The following KALRN variants were observed in gnomAD, a reference collection of about 807,000 sequenced individuals.
The protein encoded by KALRN is kalirin RhoGEF kinase, also known as kalirin.
KALRN carries 70 observed loss-of-function variants against 353.7 expected under a neutral mutation model. The observed-to-expected ratio is 0.20, with a 90% CI of 0.16 to 0.24. The LOEUF (loss-of-function observed/expected upper bound fraction) is 0.24, where lower values mean the gene tolerates loss of function less well. KALRN is among the 10% of genes least tolerant of loss of function. The probability of loss-of-function intolerance (pLI) is 1.00; values close to 1 mark genes in which losing one functional copy is unlikely to be tolerated. For synonymous variants in KALRN, 1,391 were observed against 1,434.8 expected (o/e 0.97, Z 0.69); for missense variants, 2,791 against 3,756.7 (o/e 0.74, Z 6.72).
intron 3 of KALRN, among the ~76,000 whole-genome samples, chr3:124,238,055 G>A (rs753160311): frequency 5.8e-4 from 89 of 152,274 alleles, no homozygotes; most frequent in Non-Finnish European, 7.8e-4. Flanking sequence ...CCTCTCTGTA[G>A]GCCAGGCCAT....
chr3:124,624,391 C>T (rs981785205), intron 34 of KALRN, among the ~76,000 whole-genome samples: 7 of 152,146 alleles, frequency 4.6e-5, no homozygotes, highest in Non-Finnish European at 8.8e-5. Context: ...ATAAATTAAA[C>T]TTTATCATAG....
At chr3:124,673,477 T>A (rs1050625957) in intron 48 of KALRN, among the ~76,000 whole-genome samples, 19 of 149,984 alleles carry the variant, frequency 1.3e-4, no homozygotes, top group Admixed American at 4.7e-4. Flanking sequence ...TGTATGTATA[T>A]ACATATAGAA....
chr3:124,578,070 CT>C (rs771609020), intron 34 of KALRN, among the ~76,000 whole-genome samples: 4 of 152,262 alleles, frequency 2.6e-5, no homozygotes, highest in South Asian at 2.1e-4. Flanking sequence ...TTTCTTTTTT[CT>C]TCCACAGAAA....
At chr3:124,112,756 CA>C (rs756015405) in intron 1 of KALRN, among the ~76,000 whole-genome samples, 13 of 151,984 alleles carry the variant, frequency 8.6e-5, no homozygotes, top group Non-Finnish European at 1.5e-4. Flanking sequence ...AGAAGATACC[CA>C]AAGGAAGTGT....
At chr3:124,593,940 A>AT (rs2076039246) in intron 34 of KALRN, among the ~76,000 whole-genome samples, 3 of 152,042 alleles carry the variant, frequency 2.0e-5, no homozygotes, top group African/African-American at 7.3e-5. Flanking sequence ...TAATCCTCCT[A>AT]CCTCAGCCCT....
chr3:124,073,811 A>G (rs572755060), intron 1 of KALRN, among the ~76,000 whole-genome samples: 100 of 152,262 alleles, frequency 6.6e-4, no homozygotes, highest in Middle Eastern at 3.4e-3. Flanking sequence ...ATTCGAACCT[A>G]TGGACATAGC....
At chr3:124,645,651 T>C (rs1239562640) in intron 37 of KALRN, among the ~76,000 whole-genome samples, 28 of 140,796 alleles carry the variant, frequency 2.0e-4, no homozygotes, top group African/African-American at 6.8e-4. Flanking sequence ...TCTCTCTCTC[T>C]CTCTCTCTGT....
At chr3:124,246,488 AG>A (rs1477166812) in intron 3 of KALRN, among the ~76,000 whole-genome samples, 1 of 151,974 alleles carries the variant, frequency 6.6e-6, no homozygotes, top group Non-Finnish European at 1.5e-5. Flanking sequence ...GTGATTCTTT[AG>A]TTTTGCCTCT....
chr3:124,153,433 C>T (rs1306373446), intron 1 of KALRN, among the ~76,000 whole-genome samples: 1 of 151,294 alleles, frequency 6.6e-6, no homozygotes, highest in Non-Finnish European at 1.5e-5. Context: ...CATGTCCCTA[C>T]AAAGGACATG....
intron 11 of KALRN, among the ~76,000 whole-genome samples, chr3:124,392,371 G>A (rs530477877): frequency 2.0e-3 from 298 of 152,212 alleles, no homozygotes; most frequent in African/African-American, 7.0e-3. Context: ...ATATATTTGT[G>A]TATACACACA....
chr3:124,636,334 TAGA>T (rs577041087), intron 36 of KALRN, among the ~76,000 whole-genome samples: 32 of 152,218 alleles, frequency 2.1e-4, no homozygotes, highest in Non-Finnish European at 4.1e-4. Context: ...TCTTCTCAGG[TAGA>T]AGAAGGAAGA....
intron 35 of KALRN, among the ~76,000 whole-genome samples, chr3:124,633,086 C>T (rs1285410653): frequency 6.6e-6 from 1 of 152,192 alleles, no homozygotes; most frequent in Non-Finnish European, 1.5e-5. Context: ...GAGATTGTAG[C>T]TGTTTTCAAG....
intron 34 of KALRN, among the ~76,000 whole-genome samples, chr3:124,594,663 T>A (rs1007052554): frequency 2.6e-5 from 4 of 152,220 alleles, no homozygotes; most frequent in Non-Finnish European, 5.9e-5. Flanking sequence ...AAGAAATAGA[T>A]CTTTCCAGGA....
chr3:124,646,466 C>T (rs974254380), intron 37 of KALRN, among the ~76,000 whole-genome samples: 8 of 145,516 alleles, frequency 5.5e-5, no homozygotes, highest in African/African-American at 2.0e-4. Context: ...TCTCGGCTCA[C>T]TGCAACCTCC....
intron 10 of KALRN, among the ~76,000 whole-genome samples, chr3:124,353,765 A>T (rs1158198886): frequency 2.0e-5 from 3 of 152,110 alleles, no homozygotes; most frequent in African/African-American, 7.2e-5. Flanking sequence ...AATGAAAAAA[A>T]AAATAGTGAG....
At chr3:124,682,765 A>T (rs2061398626) in intron 51 of KALRN, among the ~76,000 whole-genome samples, 1 of 152,184 alleles carries the variant, frequency 6.6e-6, no homozygotes, top group Non-Finnish European at 1.5e-5. Context: ...CTTGAATCCT[A>T]GGAGTCAGAT....
intron 7 of KALRN, among the ~76,000 whole-genome samples, chr3:124,329,035 A>G (rs1020455460): frequency 6.6e-6 from 1 of 152,258 alleles, no homozygotes; most frequent in African/African-American, 2.4e-5. Flanking sequence ...CTGTGCATCC[A>G]GACGAGAGGA....
In KALRN at chr3:124,490,991, A is replaced by G. The variant is rs1329347505; in HGVS notation, c.4587+107A>G. The G allele has an allele frequency of 4.1e-6, 4 of 978,334 alleles. No individual in the cohort carries two copies. In the South Asian group the frequency reaches 5.0e-5, roughly 12 times the overall value. 60.6% of individuals were successfully genotyped at this position (978,334 alleles called of 1,614,324 possible). ...TCATCTCCTCCCCGGCCTCCACACC[A>G]AAACCATCCTGGACAAATGAAAATG... On this transcript the variant is annotated intron_variant, in intron 30 of 59. Transcript: ENST00000682506.
chr3:124,113,248 A>G (rs557918520), intron 1 of KALRN, among the ~76,000 whole-genome samples: 1 of 152,168 alleles, frequency 6.6e-6, no homozygotes, highest in South Asian at 2.1e-4. Flanking sequence ...ATAATATCCT[A>G]TGTTTACCTT....
Sources: allele counts gnomAD v4.1 joint callset (sites outside exome capture counted in the v4.1 genomes callset), GRCh38; gene constraint gnomAD v4.1.1; transcripts MANE v1.5; gene names NCBI Gene and HGNC (gene_info 2026-07-23, HGNC 2026-07-21).